The following VWA3B variants were observed in gnomAD, a reference collection of about 807,000 sequenced individuals.
VWA3B encodes the protein von Willebrand factor A domain-containing protein 3B.
In VWA3B, 138 loss-of-function variants were observed where a neutral mutation model predicts 158.3. The observed-to-expected ratio is 0.87, with a 90% CI of 0.76 to 1.00. The LOEUF (loss-of-function observed/expected upper bound fraction) is 1.00. Among genes scored for constraint, VWA3B ranks in the 50% least tolerant of loss-of-function variants. VWA3B has a pLI of 0.00. For synonymous variants in VWA3B, 596 were observed against 587.3 expected (o/e 1.01, Z -0.21); for missense variants, 1,555 against 1,565.1 (o/e 0.99, Z 0.11).
At chr2:98,323,897 C>A in the VWA3B span, among the ~76,000 whole-genome samples, 4 of 152,078 alleles carry the variant, frequency 2.6e-5, no homozygotes, top group Non-Finnish European at 5.9e-5. Context: ...TAAGAAAGAC[C>A]CTCCACCAAA....
chr2:98,275,783 A>G (rs1688486707), intron 22 of VWA3B, among the ~76,000 whole-genome samples: 1 of 152,258 alleles, frequency 6.6e-6, no homozygotes, highest in Non-Finnish European at 1.5e-5. Context: ...GAGAAGGTGC[A>G]TTAGTGAGGT....
chr2:98,128,868 C>T (rs1675594221), intron 6 of VWA3B, among the ~76,000 whole-genome samples: 1 of 152,366 alleles, frequency 6.6e-6, no homozygotes, highest in South Asian at 2.1e-4. Context: ...TACCCTTCCT[C>T]TCCTGTTCCT....
chr2:98,094,296 C>A (rs770575677), intron 2 of VWA3B, among the ~76,000 whole-genome samples: 4 of 152,076 alleles, frequency 2.6e-5, no homozygotes, highest in Non-Finnish European at 5.9e-5. Context: ...CATATCCTTG[C>A]CAACACTTAT....
intron 6 of VWA3B, among the ~76,000 whole-genome samples, chr2:98,132,703 C>G (rs1675971957): frequency 6.6e-6 from 1 of 152,214 alleles, no homozygotes; most frequent in Non-Finnish European, 1.5e-5. Flanking sequence ...CATCTCCCCT[C>G]CTTGCCCTAC....
At chr2:98,198,660 C>T (rs1343525632) in intron 12 of VWA3B, among the ~76,000 whole-genome samples, 4 of 152,136 alleles carry the variant, frequency 2.6e-5, no homozygotes, top group African/African-American at 9.7e-5. Context: ...CCAAAATGTC[C>T]TCATATGCCC....
intron 19 of VWA3B, among the ~76,000 whole-genome samples, chr2:98,237,451 A>G (rs1054654111): frequency 6.6e-6 from 1 of 152,236 alleles, no homozygotes; most frequent in African/African-American, 2.4e-5. Flanking sequence ...CAAACAAGCA[A>G]GCCACATGTT....
intron 17 of VWA3B, among the ~76,000 whole-genome samples, chr2:98,235,318 A>G (rs1271693789): frequency 6.6e-6 from 1 of 152,150 alleles, no homozygotes; most frequent in Non-Finnish European, 1.5e-5. Flanking sequence ...ACAATCCCCT[A>G]GGGAGTAGGA....
chr2:98,147,875 T>A (rs545817365), intron 7 of VWA3B, among the ~76,000 whole-genome samples: 1 of 73,936 alleles, frequency 1.4e-5, no homozygotes, highest in South Asian at 4.7e-4. Flanking sequence ...GACAGGCCCC[T>A]GTGTGTGATG....
At chr2:98,273,977 A>C (rs1483497604) in intron 22 of VWA3B, among the ~76,000 whole-genome samples, 1 of 152,190 alleles carries the variant, frequency 6.6e-6, no homozygotes, top group African/African-American at 2.4e-5. Flanking sequence ...AATTAATTGA[A>C]TTAATTGTTC....
At chr2:98,200,970 T>A (rs911086890) in intron 12 of VWA3B, among the ~76,000 whole-genome samples, 8 of 152,246 alleles carry the variant, frequency 5.3e-5, no homozygotes, top group African/African-American at 1.4e-4. Context: ...TTTTGTTTCA[T>A]TGAACTATTA....
At chr2:98,144,509 C>T (rs773014924) in intron 7 of VWA3B, among the ~76,000 whole-genome samples, 19 of 151,502 alleles carry the variant, frequency 1.3e-4, no homozygotes, top group African/African-American at 2.4e-4. Flanking sequence ...GTCATTCCTT[C>T]GAGAAGGGCT....
chr2:98,228,479 A>G (rs1685096905), intron 15 of VWA3B, 147 bp downstream of exon 15: 3 of 1,018,534 alleles, frequency 2.9e-6, no homozygotes, highest in Non-Finnish European at 4.0e-6. Flanking sequence ...GGATTTTTTT[A>G]AGCAAAGAGA....
intron 7 of VWA3B, among the ~76,000 whole-genome samples, chr2:98,135,529 G>T (rs949298494): frequency 6.6e-6 from 1 of 150,976 alleles, no homozygotes; most frequent in Non-Finnish European, 1.5e-5. Context: ...TAGAGACGGG[G>T]TTTCACCGTT....
At chr2:98,106,873 G>A (rs182943351) in intron 2 of VWA3B, among the ~76,000 whole-genome samples, 7 of 151,994 alleles carry the variant, frequency 4.6e-5, no homozygotes, top group African/African-American at 9.6e-5. Flanking sequence ...GCTCTGTTAC[G>A]CTGGCTAGAA....
intron 8 of VWA3B, among the ~76,000 whole-genome samples, chr2:98,178,465 A>G (rs943415065): frequency 3.9e-5 from 6 of 152,234 alleles, no homozygotes; most frequent in Non-Finnish European, 7.3e-5. Context: ...TGGCTCTAAC[A>G]TGATTTATGT....
At chr2:98,252,469 A>G (rs1182281792) in intron 20 of VWA3B, among the ~76,000 whole-genome samples, 2 of 152,056 alleles carry the variant, frequency 1.3e-5, no homozygotes, top group African/African-American at 2.4e-5. Flanking sequence ...CACGAGCTAG[A>G]TAGAGCTTCG....
In VWA3B at chr2:98,188,106, A is replaced by C. The variant is rs1265624375; in HGVS notation, c.1443A>C (p.Thr481=). 2 of 1,613,254 alleles carry C rather than the reference A, an allele frequency of 1.2e-6. No individual in the cohort carries two copies. Among genetic ancestry groups the C allele is most frequent in the African/African-American group, 2.7e-5 (2 of 74,914 alleles). ...AGTGGTACAGTGAGAGAATCCACAC[A>C]GCCCTGGCCCGGATCCGAAGGAGGT... ...KCKWYSERIH[T]ALARIRRRIK... The change falls in exon 10 of 28, where the codon ACA becomes ACC. Residue 481 remains threonine (T), a synonymous_variant. Transcript: ENST00000477737.
chr2:98,314,966 G>A (rs753601112), downstream of VWA3B, among the ~76,000 whole-genome samples: 5 of 150,870 alleles, frequency 3.3e-5, no homozygotes, highest in South Asian at 2.1e-4. Flanking sequence ...AGGTTACTCC[G>A]GAGCAAGAGT....
In VWA3B at chr2:98,298,043, C is replaced by G; in HGVS notation, c.3282+12C>G. The G allele has an allele frequency of 6.5e-7, 1 of 1,531,884 alleles. No homozygotes were observed. Among genetic ancestry groups the G allele is most frequent in the Admixed American group, 2.1e-5 (1 of 47,666 alleles). 94.9% of individuals were successfully genotyped at this position (1,531,884 alleles called of 1,614,324 possible). A position where few individuals can be genotyped will look rare whatever the true frequency, so the allele number is the denominator to read the frequency against. On this transcript the variant is annotated intron_variant, in intron 24 of 27. Coordinates refer to ENST00000477737, the MANE Select transcript of VWA3B (RefSeq NM_144992.5). ...GCCCGCTGCTCCAGGTACCCAGTCC[C>G]TGATGTGTTCTGGGGCCCCTTTTCA...
Sources: allele counts gnomAD v4.1 joint callset (sites outside exome capture counted in the v4.1 genomes callset), GRCh38; gene constraint gnomAD v4.1.1; transcripts MANE v1.5; gene names NCBI Gene and HGNC (gene_info 2026-07-23, HGNC 2026-07-21).